The following BMPR1A variants were observed in gnomAD, a reference collection of about 807,000 sequenced individuals.
BMPR1A encodes bone morphogenetic protein receptor type-1A.
Under a neutral mutation model 66.0 loss-of-function variants are expected in BMPR1A, and 7 were observed. The observed-to-expected ratio is 0.11, with a 90% CI of 0.06 to 0.20. The LOEUF (loss-of-function observed/expected upper bound fraction) is 0.20. Among genes scored for constraint, BMPR1A ranks in the 10% least tolerant of loss-of-function variants. BMPR1A has a pLI of 1.00. For missense variants in BMPR1A, 408 were observed against 669.1 expected, an observed-to-expected ratio of 0.61 and a Z score of 4.31; for synonymous variants, 200 against 229.7, an observed-to-expected ratio of 0.87 and a Z score of 1.17.
At chr10:86,756,554 A>C (rs909357632), upstream of BMPR1A, 12 of 149,758 alleles carry the variant, frequency 8.0e-5, no homozygotes, top group African/African-American at 2.9e-4. Flanking sequence ...CGCGCCGTGC[A>C]AGGCCCGCGG....
intron 1 of BMPR1A, among the ~76,000 whole-genome samples, chr10:86,782,052 G>A (rs1022556233): frequency 0.11 from 13 of 116 alleles, no homozygotes; most frequent in Admixed American, 0.45. Flanking sequence ...TGGTAGAGAC[G>A]GGGTTTCACT....
chr10:86,777,907 G>A (rs1430057437), intron 1 of BMPR1A, among the ~76,000 whole-genome samples: 5 of 151,904 alleles, frequency 3.3e-5, no homozygotes, highest in African/African-American at 4.8e-5. Flanking sequence ...CATCTACCGG[G>A]GATGCTGAGG....
At chr10:86,802,364 A>G (rs1037172069) in intron 1 of BMPR1A, among the ~76,000 whole-genome samples, 5 of 152,180 alleles carry the variant, frequency 3.3e-5, no homozygotes, top group Non-Finnish European at 7.3e-5. Context: ...CTAATTTATG[A>G]AAGGATAAAA....
chr10:86,931,071 C>T (rs958156690), downstream of BMPR1A: 1 of 151,194 alleles, frequency 6.6e-6, no homozygotes, highest in Non-Finnish European at 1.5e-5. Flanking sequence ...ATAGTGAAAC[C>T]CTGTCTCTAA....
intron 7 of BMPR1A, among the ~76,000 whole-genome samples, chr10:86,906,049 G>A (rs1285650541): frequency 6.6e-6 from 1 of 152,054 alleles, no homozygotes; most frequent in Non-Finnish European, 1.5e-5. Context: ...TTAACCTCTT[G>A]GAGTGCAGGT....
Position 86,926,000 on chromosome 10 carries a change from C to T in BMPR1A, c.*2281C>T, listed in dbSNP as rs1444642804. The T allele has an allele frequency of 5.9e-6, 1 of 170,848 alleles. No individual in the cohort carries two copies. Among genetic ancestry groups the T allele is most frequent in the Non-Finnish European group, 1.3e-5 (1 of 78,842 alleles). The allele number at this position is 170,848 out of a possible 1,614,324, so 10.6% of individuals were successfully genotyped here. On this transcript the variant is annotated 3_prime_UTR_variant, in exon 13 of 13. Transcript: ENST00000372037. ...CCTCGGCCTCCCAAAGTTCATTTGT[C>T]ATCTTAATAAAAATATAAAGACAGG...
intron 1 of BMPR1A, among the ~76,000 whole-genome samples, chr10:86,762,448 T>C (rs1841082362): frequency 6.6e-6 from 1 of 152,128 alleles, no homozygotes; most frequent in East Asian, 1.9e-4. Context: ...AACCTCCGCC[T>C]CCTGGGTTCA....
chr10:86,914,536 AC>A (rs1192651863), intron 8 of BMPR1A, among the ~76,000 whole-genome samples: 1 of 152,192 alleles, frequency 6.6e-6, no homozygotes, highest in Non-Finnish European at 1.5e-5. Context: ...TAATAAGATA[AC>A]CCAATTTTTT....
intron 7 of BMPR1A, among the ~76,000 whole-genome samples, chr10:86,909,347 A>G (rs992761970): frequency 2.6e-5 from 4 of 152,058 alleles, no homozygotes; most frequent in East Asian, 1.9e-4. Context: ...AATCCCAGCA[A>G]TTTGGGAGGC....
chr10:86,899,991 A>T (rs780127152), intron 6 of BMPR1A, 36 bp from the exon 7 acceptor site: 12 of 1,612,160 alleles, frequency 7.4e-6, no homozygotes, highest in Admixed American at 1.7e-5. Context: ...TTATTTTTTC[A>T]TTTCAATTGT....
chr10:86,866,278 C>T, intron 2 of BMPR1A, among the ~76,000 whole-genome samples: 1 of 134,432 alleles, frequency 7.4e-6, no homozygotes. Flanking sequence ...ACAGTACTTT[C>T]TGTTTTTTAA....
At chr10:86,756,302 C>CTGGCT (rs1452488971), upstream of BMPR1A, 1 of 152,204 alleles carries the variant, frequency 6.6e-6, no homozygotes, top group Non-Finnish European at 1.5e-5. Context: ...AGCTGTGGGG[C>CTGGCT]TGGCTTGTGG....
intron 1 of BMPR1A, among the ~76,000 whole-genome samples, chr10:86,833,243 C>T (rs1259256304): frequency 6.6e-6 from 1 of 152,172 alleles, no homozygotes; most frequent in Non-Finnish European, 1.5e-5. Context: ...TGATTATGGC[C>T]ATTTTAATGG....
In BMPR1A at chr10:86,927,659, T is replaced by A. The variant is rs1349378445; in HGVS notation, c.*3940T>A. ...TTTCTATGGAATTATTTAAGCCCTTTTAGTGACCTTTGTCCTGGCCCATTT... is the reference window on the plus strand; with the variant it reads ...TTTCTATGGAATTATTTAAGCCCTTATAGTGACCTTTGTCCTGGCCCATTT... On this transcript the variant is annotated 3_prime_UTR_variant, in exon 13 of 13. Coordinates refer to ENST00000372037, the MANE Select transcript of BMPR1A (RefSeq NM_004329.3). 5.0e-6 allele frequency: 1 copy of A among 198,192 alleles called. No homozygotes were observed. The highest frequency in any genetic ancestry group is 2.3e-5 in the African/African-American group (1 of 43,358). The allele number at this position is 198,192 out of a possible 1,614,324, so 12.3% of individuals were successfully genotyped here.
chr10:86,896,947 T>C (rs1843231600), intron 5 of BMPR1A, among the ~76,000 whole-genome samples: 1 of 152,232 alleles, frequency 6.6e-6, no homozygotes. Flanking sequence ...TCTGTCATGC[T>C]CATCCTAACC....
At position 86,899,682 on chromosome 10, in the gene BMPR1A, T is replaced by G; in HGVS notation, c.334-112T>G. On this transcript the variant is annotated intron_variant, in intron 5 of 12. Transcript: ENST00000372037. ...AATAATCTGTTTTTACATATAAAAT[T>G]TGCAGGCCCCTTTCACTCACTGAAA... The G allele has an allele frequency of 1.9e-5, 20 of 1,060,628 alleles. No individual in the cohort carries two copies. The South Asian group carries it at 2.7e-4, about 14-fold the overall frequency. The allele number at this position is 1,060,628 out of a possible 1,614,324, so 65.7% of individuals were successfully genotyped here. A position where few individuals can be genotyped will look rare whatever the true frequency, so the allele number is the denominator to read the frequency against.
At chr10:86,868,115 C>G (rs573055536) in intron 2 of BMPR1A, among the ~76,000 whole-genome samples, 8 of 152,304 alleles carry the variant, frequency 5.3e-5, no homozygotes, top group African/African-American at 1.9e-4. Context: ...ATGGTTGGCT[C>G]TCTTTGCTCC....
rs572157330 is a variant in BMPR1A, at chr10:86,827,416, T to C, written c.-267-11449T>C. ...AATTACTGGAATATGGAATATTCTA[T>C]GAATATACCACAGTCCATTTTACTG... On this transcript the variant is annotated intron_variant, in intron 1 of 12. Coordinates refer to ENST00000372037, the MANE Select transcript of BMPR1A (RefSeq NM_004329.3). Among the ~76,000 whole-genome samples, 17 of 152,350 alleles carry C rather than the reference T, an allele frequency of 1.1e-4. 1 individual carries two copies. The highest frequency in any genetic ancestry group is 4.1e-4 in the African/African-American group (17 of 41,592).
Position 86,890,006 on chromosome 10 carries a change from C to T in BMPR1A, c.68-56C>T, listed in dbSNP as rs7087358. The T allele has an allele frequency of 0.35, 561,134 of 1,590,794 alleles. 108,816 individuals are homozygous for T. The highest frequency in any genetic ancestry group is 0.72 in the East Asian group (32,161 of 44,708). ...AACTTTTTCTCATTGAAAATTGTCA[C>T]GAAACAATGAGCTTTTCAGAAATGA... On this transcript the variant is annotated intron_variant, in intron 3 of 12. Transcript: ENST00000372037.
Sources: allele counts gnomAD v4.1 joint callset (sites outside exome capture counted in the v4.1 genomes callset), GRCh38; gene constraint gnomAD v4.1.1; transcripts MANE v1.5; gene names NCBI Gene and HGNC (gene_info 2026-07-23, HGNC 2026-07-21).